AKAP19: variants seen among roughly 807,000 people sequenced by gnomAD.
AKAP19 encodes small A-kinase anchoring protein.
the AKAP19 span, among the ~76,000 whole-genome samples, chr2:190,023,113 T>C: frequency 6.6e-6 from 1 of 152,206 alleles, no homozygotes; most frequent in African/African-American, 2.4e-5. Flanking sequence ...TTTATGTCTA[T>C]ATATGATTTA....
the AKAP19 span, among the ~76,000 whole-genome samples, chr2:190,186,701 C>T: frequency 6.6e-6 from 1 of 152,172 alleles, no homozygotes; most frequent in Non-Finnish European, 1.5e-5. The surrounding 1 kb of genome is among the most constrained non-coding windows in gnomAD (Gnocchi z 5.5). Context: ...ATTCTCAATA[C>T]TCCCAGTACA....
At chr2:189,907,602 A>AT in the AKAP19 span, among the ~76,000 whole-genome samples, 2 of 151,880 alleles carry the variant, frequency 1.3e-5, no homozygotes, top group Non-Finnish European at 2.9e-5. Context: ...CATGATGATA[A>AT]TTTTTTTTAG....
chr2:190,181,914 A>G, the AKAP19 span, among the ~76,000 whole-genome samples: 87 of 152,232 alleles, frequency 5.7e-4, 1 homozygote, highest in Admixed American at 1.7e-3. Flanking sequence ...GCTATCATAA[A>G]TAGATGGCAA....
chr2:190,004,198 C>T, the AKAP19 span, among the ~76,000 whole-genome samples: 1 of 152,016 alleles, frequency 6.6e-6, no homozygotes, highest in African/African-American at 2.4e-5. Context: ...GGGTGCAGCA[C>T]ACCAGCATGG....
chr2:190,150,273 A>G, the AKAP19 span: 1 of 152,164 alleles, frequency 6.6e-6, no homozygotes, highest in Non-Finnish European at 1.5e-5. Flanking sequence ...GTTCAGCTAG[A>G]GATTTCCTTC....
At chr2:190,184,803 C>A in the AKAP19 span, among the ~76,000 whole-genome samples, 1 of 151,790 alleles carries the variant, frequency 6.6e-6, no homozygotes, top group Non-Finnish European at 1.5e-5. Context: ...CAAGGAGACT[C>A]ACTTGATGGG....
At chr2:189,968,397 C>T in the AKAP19 span, among the ~76,000 whole-genome samples, 2 of 152,044 alleles carry the variant, frequency 1.3e-5, no homozygotes, top group Admixed American at 6.6e-5. Flanking sequence ...ACGACTATGC[C>T]TGGCTAAATT....
the AKAP19 span, among the ~76,000 whole-genome samples, chr2:189,920,720 G>A: frequency 6.6e-6 from 1 of 152,190 alleles, no homozygotes; most frequent in Non-Finnish European, 1.5e-5. Context: ...AAATTCTCCA[G>A]CCCACAAATT....
the AKAP19 span, among the ~76,000 whole-genome samples, chr2:190,155,462 A>T: frequency 4.6e-5 from 7 of 152,212 alleles, no homozygotes; most frequent in African/African-American, 1.7e-4. Flanking sequence ...AAGGGGGCAA[A>T]ATTAATACAA....
the AKAP19 span, among the ~76,000 whole-genome samples, chr2:189,895,244 G>T: frequency 9.6e-4 from 146 of 152,180 alleles, 1 homozygote; most frequent in Middle Eastern, 3.4e-3. Context: ...AACTTCCACC[G>T]TTTTCTCCTC....
the AKAP19 span, among the ~76,000 whole-genome samples, chr2:190,051,274 T>C: frequency 6.6e-6 from 1 of 152,228 alleles, no homozygotes; most frequent in African/African-American, 2.4e-5. Context: ...CAATTTCCTA[T>C]AAGTAATTTA....
chr2:189,885,424 A>G, the AKAP19 span, among the ~76,000 whole-genome samples: 2 of 152,248 alleles, frequency 1.3e-5, no homozygotes, highest in Admixed American at 1.3e-4. Flanking sequence ...TGTTACAATC[A>G]TCTCAGCTCT....
chr2:190,184,056 G>A, the AKAP19 span, among the ~76,000 whole-genome samples: 1 of 151,986 alleles, frequency 6.6e-6, no homozygotes, highest in African/African-American at 2.4e-5. Flanking sequence ...ACCACTCATG[G>A]TGTTATAATG....
chr2:190,126,289 CAAAAAAAAAAAAAAAAAAAAAA>C, the AKAP19 span, among the ~76,000 whole-genome samples: 9 of 31,324 alleles, frequency 2.9e-4, no homozygotes, highest in African/African-American at 5.7e-4. Flanking sequence ...GATTCCATCT[CAAAAAAAAAAAAAAAAAAAAAA>C]AAAAAAAAAA....
chr2:190,028,621 T>A, the AKAP19 span, among the ~76,000 whole-genome samples: 29 of 152,322 alleles, frequency 1.9e-4, no homozygotes, highest in African/African-American at 6.7e-4. Context: ...CTTCAGTAGA[T>A]ATTTGTTATT....
At chr2:190,080,758 G>C in the AKAP19 span, among the ~76,000 whole-genome samples, 3 of 152,212 alleles carry the variant, frequency 2.0e-5, no homozygotes, top group Non-Finnish European at 4.4e-5. Flanking sequence ...GCCATATTCA[G>C]ATCAACTATT....
chr2:190,130,122 A>T, the AKAP19 span, among the ~76,000 whole-genome samples: 1 of 152,192 alleles, frequency 6.6e-6, no homozygotes, highest in Non-Finnish European at 1.5e-5. Context: ...CCTATCACAG[A>T]TCACACAGAG....
the AKAP19 span, among the ~76,000 whole-genome samples, chr2:189,891,603 T>C: frequency 6.6e-6 from 1 of 152,306 alleles, no homozygotes; most frequent in East Asian, 1.9e-4. Context: ...AGAGATCTGC[T>C]GTTAGTCTGA....
the AKAP19 span, among the ~76,000 whole-genome samples, chr2:189,995,652 T>A: frequency 6.6e-6 from 1 of 152,136 alleles, no homozygotes; most frequent in East Asian, 1.9e-4. Context: ...GTTCTATTCA[T>A]CATGCTAGTT....
Sources: allele counts gnomAD v4.1 joint callset (sites outside exome capture counted in the v4.1 genomes callset), GRCh38; gene constraint gnomAD v4.1.1; non-coding constraint Gnocchi (gnomAD v3.1); transcripts MANE v1.5; gene names NCBI Gene and HGNC (gene_info 2026-07-23, HGNC 2026-07-21).